NAV1: variants seen among roughly 807,000 people sequenced by gnomAD.
The protein encoded by NAV1 is pore membrane and/or filament interacting like protein 3.
Under a neutral mutation model 175.2 loss-of-function variants are expected in NAV1, and 18 were observed. The ratio of observed to expected loss-of-function variants is 0.10; its 90% CI spans 0.07 to 0.15. The LOEUF is 0.15. Ranked by LOEUF, NAV1 falls within the 10% of genes least tolerant of loss-of-function variation. The probability of loss-of-function intolerance (pLI) is 1.00; values close to 1 mark genes in which losing one functional copy is unlikely to be tolerated. For missense variants in NAV1, 1,731 were observed against 2,436.6 expected (o/e 0.71, Z 6.10); for synonymous variants, 897 against 978.7 (o/e 0.92, Z 1.56).
intron 10 of NAV1, among the ~76,000 whole-genome samples, chr1:201,789,454 A>G (rs1676969168): frequency 6.6e-6 from 1 of 152,126 alleles, no homozygotes; most frequent in African/African-American, 2.4e-5. Context: ...ACTATCCATG[A>G]AAGTCTCCTT....
intron 1 of NAV1, among the ~76,000 whole-genome samples, chr1:201,653,341 C>G (rs188424062): frequency 6.6e-6 from 1 of 152,222 alleles, no homozygotes; most frequent in Non-Finnish European, 1.5e-5. Context: ...ACCCAGGAAC[C>G]TGGACTTCCT....
chr1:201,610,402 T>C (rs538503990), intron 2 of NAV1, among the ~76,000 whole-genome samples: 2 of 152,156 alleles, frequency 1.3e-5, no homozygotes, highest in South Asian at 2.1e-4. Flanking sequence ...AGGTCAGAGG[T>C]TGTGAGAAAC....
intron 1 of NAV1, among the ~76,000 whole-genome samples, chr1:201,663,406 G>C (rs1669689810): frequency 6.6e-6 from 1 of 152,110 alleles, no homozygotes; most frequent in Non-Finnish European, 1.5e-5. Flanking sequence ...TTGAGATCAA[G>C]GTGAAAACTG....
intron 3 of NAV1, among the ~76,000 whole-genome samples, chr1:201,741,657 T>C (rs1673430580): frequency 6.6e-6 from 1 of 152,220 alleles, no homozygotes; most frequent in Non-Finnish European, 1.5e-5. Context: ...AATTCTTTGC[T>C]TCCCCAATGC....
At chr1:201,819,892 G>T in exon 30 of NAV1, 1 of 1,614,112 alleles carries the variant, frequency 6.2e-7, no homozygotes. Flanking sequence ...TCTCCAGATC[G>T]AGAAACCATC....
rs548318261 is a variant in NAV1 at position 201,671,374 on chromosome 1, A to G, written c.757+21949A>G. Among the ~76,000 whole-genome samples the G allele has an allele frequency of 2.3e-3, 353 of 151,804 alleles. 1 individual carries two copies. The highest frequency in any genetic ancestry group is 8.2e-3 in the African/African-American group (339 of 41,388). On this transcript the variant is annotated intron_variant, in intron 1 of 29. Transcript: ENST00000367296. ...TCTTCAAAGCCGACACCTCCCCTCC[A>G]TACCTGCTTCCTGCCCCACCCCACC...
intron 1 of NAV1, among the ~76,000 whole-genome samples, chr1:201,668,314 C>A (rs7367640): frequency 6.6e-6 from 1 of 151,910 alleles, no homozygotes; most frequent in African/African-American, 2.4e-5. Flanking sequence ...TGTACTCAAA[C>A]GGGAGTGAGC....
intron 1 of NAV1, among the ~76,000 whole-genome samples, chr1:201,699,461 A>G (rs1671322004): frequency 6.6e-6 from 1 of 152,230 alleles, no homozygotes; most frequent in South Asian, 2.1e-4. Flanking sequence ...AAATGGAAGA[A>G]CATTCCATGC....
exon 1 of NAV1, chr1:201,622,944 G>T: frequency 1.0e-6 from 1 of 986,398 alleles, no homozygotes; most frequent in Non-Finnish European, 1.2e-6. Context: ...CCGCCATCCC[G>T]GTGCCTCGTG....
rs540797796 is a variant in NAV1, at chr1:201,678,110, C to T, written c.757+28685C>T. ...TGAATTAAACATCTCAGAAATGTAT[C>T]CTGCCAAATGTGATTGCATTTTCGC... On this transcript the variant is annotated intron_variant, in intron 1 of 29. Transcript: ENST00000367296. Among the ~76,000 whole-genome samples, 12 of 152,276 alleles carry T rather than the reference C, an allele frequency of 7.9e-5. No homozygotes were observed. The South Asian group carries it at 2.5e-3, about 32-fold the overall frequency.
intron 1 of NAV1, among the ~76,000 whole-genome samples, chr1:201,679,146 C>A (rs1571879757): frequency 6.6e-6 from 1 of 152,248 alleles, no homozygotes; most frequent in East Asian, 1.9e-4. Flanking sequence ...GGCAGAGAGG[C>A]CACAATTAAG....
At chr1:201,574,829 G>A (rs945753493) in intron 1 of NAV1, among the ~76,000 whole-genome samples, 4 of 152,208 alleles carry the variant, frequency 2.6e-5, no homozygotes, top group African/African-American at 9.6e-5. Context: ...AGTGTCTCAG[G>A]TGGAAGGAAG....
upstream of NAV1, among the ~76,000 whole-genome samples, chr1:201,646,238 C>T (rs1315175192): frequency 2.6e-5 from 4 of 152,226 alleles, no homozygotes; most frequent in South Asian, 4.1e-4. Context: ...TCTGGAACCA[C>T]GAACCCTAGT....
chr1:201,631,923 C>T (rs1250097041), intron 2 of NAV1, among the ~76,000 whole-genome samples: 1 of 152,032 alleles, frequency 6.6e-6, no homozygotes, highest in Non-Finnish European at 1.5e-5. Flanking sequence ...GCCTGGCGGT[C>T]AGGGTTTGGT....
chr1:201,606,006 T>C (rs1434059886), intron 2 of NAV1, among the ~76,000 whole-genome samples: 1 of 152,190 alleles, frequency 6.6e-6, no homozygotes. Context: ...CAGACCATGT[T>C]AGATTTCCAG....
intron 3 of NAV1, among the ~76,000 whole-genome samples, chr1:201,775,333 C>T (rs1675864806): frequency 6.6e-6 from 1 of 152,196 alleles, no homozygotes; most frequent in African/African-American, 2.4e-5. Context: ...TCTAACTCAG[C>T]TCGTAGAATG....
At chr1:201,734,795 C>A (rs1247906730) in intron 3 of NAV1, among the ~76,000 whole-genome samples, 1 of 152,114 alleles carries the variant, frequency 6.6e-6, no homozygotes, top group Non-Finnish European at 1.5e-5. Flanking sequence ...CCCCTCTCCC[C>A]TACCCCTTCC....
At chr1:201,587,142 T>C (rs946432218) in intron 1 of NAV1, among the ~76,000 whole-genome samples, 2 of 151,668 alleles carry the variant, frequency 1.3e-5, no homozygotes, top group African/African-American at 4.8e-5. Flanking sequence ...GCATGGGAAA[T>C]TGAGGCTGCA....
intron 1 of NAV1, among the ~76,000 whole-genome samples, chr1:201,690,019 T>C (rs1288092108): frequency 2.1e-5 from 3 of 145,440 alleles, no homozygotes; most frequent in African/African-American, 7.7e-5. Context: ...CTGTTTCCTC[T>C]GTGGCCTATA....
Sources: gnomAD v4.1 joint callset for allele counts (sites outside exome capture counted in the v4.1 genomes callset) on GRCh38, gnomAD v4.1.1 for gene constraint, MANE v1.5 for transcripts, NCBI Gene and HGNC (gene_info 2026-07-23, HGNC 2026-07-21) for gene names.